Variants in PTPRB observed in about 807,000 individuals in gnomAD.
The protein encoded by PTPRB is receptor-type tyrosine-protein phosphatase beta.
A neutral mutation model predicts 238.1 loss-of-function variants in PTPRB; 97 were observed. That is an observed-to-expected ratio of 0.41 (90% CI 0.35 to 0.48). PTPRB has a LOEUF of 0.48. Ranked by LOEUF, PTPRB falls within the 20% of genes least tolerant of loss-of-function variation. The pLI is 0.30. For synonymous variants in PTPRB, 970 were observed against 995.4 expected, an observed-to-expected ratio of 0.97 and a Z score of 0.48; for missense variants, 2,292 against 2,681.9, an observed-to-expected ratio of 0.85 and a Z score of 3.21.
rs142162566 is a variant in PTPRB, at chr12:70,564,473, C to T, written c.3905-1366G>A. 5.1e-3 allele frequency among the ~76,000 whole-genome samples: 763 copies of T among 149,048 alleles called. 6 individuals carry two copies. The highest frequency in any genetic ancestry group is 0.017 in the African/African-American group (704 of 40,264). ...GGTGGAGGTTGTGGTGAGCTAAGAT[C>T]GCACCACTGCACTCCAGCTTGGGCA... On this transcript the variant is annotated intron_variant, in intron 15 of 33. Coordinates refer to ENST00000334414, the MANE Select transcript of PTPRB (RefSeq NM_001109754.4).
Position 70,596,147 on chromosome 12 carries a change from G to A in PTPRB, c.1160C>T (p.Thr387Ile). 6.2e-7 allele frequency: 1 copy of A among 1,613,580 alleles called. No homozygotes were observed. Among genetic ancestry groups the A allele is most frequent in the Non-Finnish European group, 8.5e-7 (1 of 1,179,634 alleles). Residue 387 changes from threonine (T) to isoleucine (I), a missense_variant, in exon 5 of 34, where the codon ACT (threonine) becomes ATT (isoleucine). Physicochemically the swap from Thr to Ile is moderately conservative, Grantham distance 89. Transcript: ENST00000334414. ...ACTACCAGCAGTGAGATTGAAAAAA[G>A]TGTATTCATTCCATGAAGTACTTTC... ...IQESTSWNEY[T>I]FFNLTAGSKY... is the part of the protein sequence containing the mutation.
chr12:70,592,785 G>A (rs1171005641), intron 6 of PTPRB, among the ~76,000 whole-genome samples: 1 of 152,226 alleles, frequency 6.6e-6, no homozygotes, highest in Non-Finnish European at 1.5e-5. Context: ...TAGTGGCAAG[G>A]CCAAAACCTT....
At chr12:70,549,901 TC>T (rs3837457) in intron 21 of PTPRB, among the ~76,000 whole-genome samples, 27,129 of 152,222 alleles carry the variant, frequency 0.18, 2,941 homozygotes, top group Middle Eastern at 0.3. Flanking sequence ...ATGTGTTACA[TC>T]CTTAGAGCAT....
chr12:70,570,063 A>T, intron 13 of PTPRB, 125 bp from the exon 14 acceptor site: 1 of 909,966 alleles, frequency 1.1e-6, no homozygotes, highest in East Asian at 2.6e-5. Flanking sequence ...AAAAGAAAGT[A>T]ACAATTTGCC....
intron 6 of PTPRB, among the ~76,000 whole-genome samples, chr12:70,592,959 G>A (rs951552316): frequency 2.0e-5 from 3 of 152,066 alleles, no homozygotes; most frequent in Non-Finnish European, 4.4e-5. Context: ...TTCTTTAAGT[G>A]GAATGCACAA....
At position 70,558,139 on chromosome 12, in the gene PTPRB, A is replaced by C. The variant is rs557585982; in HGVS notation, c.4714+1204T>G. On this transcript the variant is annotated intron_variant, in intron 18 of 33. Transcript: ENST00000334414. ...GTGTTTCCCTGGCTACTCTAATACC[A>C]GATGCAATGGTCAGAAGTGTTTAGA... Among the ~76,000 whole-genome samples, 27 of 152,268 alleles carry C rather than the reference A, an allele frequency of 1.8e-4. No homozygotes were observed. In the South Asian group the frequency reaches 3.5e-3, roughly 20 times the overall value.
intron 2 of PTPRB, 47 bp downstream of exon 2, chr12:70,635,624 A>G: frequency 6.4e-7 from 1 of 1,565,682 alleles, no homozygotes; most frequent in East Asian, 2.3e-5. Context: ...CCCCCAAGAT[A>G]TTTAGTAGAA....
intron 15 of PTPRB, among the ~76,000 whole-genome samples, chr12:70,564,688 C>G (rs146471722): frequency 0.028 from 4,225 of 151,732 alleles, 192 homozygotes; most frequent in African/African-American, 0.095. Context: ...CAAAAATTAG[C>G]TGGGTGTGGT....
rs1391156694 is a variant in PTPRB at position 70,555,171 on chromosome 12, C to G, written c.5132G>C (p.Arg1711Thr). 2 of 1,613,448 alleles carry G rather than the reference C, an allele frequency of 1.2e-6. No homozygotes were observed. The highest frequency in any genetic ancestry group is 1.7e-6 in the Non-Finnish European group (2 of 1,179,706). The change falls in exon 20 of 34, where the codon AGA becomes ACA. Residue 1711 changes from arginine (R) to threonine (T), a missense_variant. Physicochemically the swap from Arg to Thr is moderately conservative, Grantham distance 71. Around this residue, in one of 4 missense-constraint regions of PTPRB, gnomAD observed 683 missense variants for 862.0 expected, o/e 0.79. Transcript: ENST00000334414. ...TCATGATAACTTACCATCAGCCTCT[C>G]TCACCACCACTGTGAAGTATTTCAC... ...GAVKYFTVVV[R>T]EADGSDELKP...
At chr12:70,586,390 T>C (rs890542438) in intron 9 of PTPRB, among the ~76,000 whole-genome samples, 3 of 152,172 alleles carry the variant, frequency 2.0e-5, no homozygotes, top group African/African-American at 4.8e-5. Context: ...TCCCTAGTCA[T>C]GTGGAACTGT....
chr12:70,571,941 G>C lies in PTPRB; in HGVS notation c.2989C>G (p.Pro997Ala). ...KNNFIQTKSIPKSENECVFVQ... is the reference protein window; with the variant it reads ...KNNFIQTKSIAKSENECVFVQ... ...AATACACATTCGTTTTCTGACTTGG[G>C]AATGCTTTTAGTTTGAATGAAGTTG... Residue 997 changes from proline to alanine, a missense_variant, in exon 12 of 34, where the codon CCC becomes GCC. Physicochemically the swap from Pro to Ala is conservative, Grantham distance 27. This residue lies in a region of PTPRB where 1,205 missense variants were observed against 1,287.8 expected (regional missense o/e 0.94). Coordinates refer to ENST00000334414, the MANE Select transcript of PTPRB (RefSeq NM_001109754.4). 6.2e-7 allele frequency: 1 copy of C among 1,613,960 alleles called. No individual in the cohort carries two copies. The highest frequency in any genetic ancestry group is 8.5e-7 in the Non-Finnish European group (1 of 1,179,874).
chr12:70,563,138 G>C, intron 15 of PTPRB, 31 bp from the exon 16 acceptor site: 1 of 1,587,934 alleles, frequency 6.3e-7, no homozygotes, highest in Middle Eastern at 1.7e-4. Flanking sequence ...GAGAATGAGG[G>C]AGGGAAATGC....
rs536185312 is a variant in PTPRB at position 70,580,965 on chromosome 12, T to A, written c.2578+71A>T. 4.0e-5 allele frequency: 59 copies of A among 1,484,652 alleles called. No individual in the cohort carries two copies. In the African/African-American group the frequency reaches 7.7e-4, roughly 19 times the overall value. 92.0% of individuals were successfully genotyped at this position (1,484,652 alleles called of 1,614,324 possible). On this transcript the variant is annotated intron_variant, in intron 10 of 33. Transcript: ENST00000334414. ...TGAGTCTGATTTTAGGATATTTCTATAATATTCTGATTAGGGGTCTCATGT... is the reference window on the plus strand; with the variant it reads ...TGAGTCTGATTTTAGGATATTTCTAAAATATTCTGATTAGGGGTCTCATGT...
intron 4 of PTPRB, among the ~76,000 whole-genome samples, chr12:70,607,106 G>A (rs953846124): frequency 6.6e-6 from 1 of 152,200 alleles, no homozygotes; most frequent in Non-Finnish European, 1.5e-5. Flanking sequence ...CTCTGGACTT[G>A]AATACCTACT....
chr12:70,628,244 GT>G (rs1347228328), intron 2 of PTPRB, among the ~76,000 whole-genome samples: 3 of 152,214 alleles, frequency 2.0e-5, no homozygotes, highest in Non-Finnish European at 4.4e-5. Context: ...TCTGAATTGA[GT>G]GGTAAATAAA....
At chr12:70,618,612 G>A (rs1224995184) in intron 3 of PTPRB, among the ~76,000 whole-genome samples, 2 of 152,182 alleles carry the variant, frequency 1.3e-5, no homozygotes, top group Non-Finnish European at 2.9e-5. Flanking sequence ...TAGGGTCCAA[G>A]TGGTTGCATG....
At chr12:70,631,460 T>A (rs1885448114) in intron 2 of PTPRB, among the ~76,000 whole-genome samples, 1 of 152,062 alleles carries the variant, frequency 6.6e-6, no homozygotes, top group Non-Finnish European at 1.5e-5. Flanking sequence ...ATGTTAGACC[T>A]AAAACCATAA....
intron 18 of PTPRB, 143 bp from the exon 19 acceptor site, chr12:70,556,291 G>T: frequency 1.3e-6 from 1 of 755,662 alleles, no homozygotes; most frequent in Non-Finnish European, 2.1e-6. Context: ...CACCCTAGCA[G>T]AGACACATGA....
intron 33 of PTPRB, among the ~76,000 whole-genome samples, chr12:70,523,795 TC>T (rs1871941230): frequency 6.6e-6 from 1 of 152,006 alleles, no homozygotes; most frequent in Non-Finnish European, 1.5e-5. Context: ...TCTTTTCTTC[TC>T]CCCTCCCCTC....
Sources: gnomAD v4.1 joint callset for allele counts (sites outside exome capture counted in the v4.1 genomes callset) on GRCh38, gnomAD v4.1.1 for gene constraint, gnomAD v4.1.1 regional missense constraint, MANE v1.5 for transcripts, NCBI Gene and HGNC (gene_info 2026-07-23, HGNC 2026-07-21) for gene names.